Variants in CACNB2 observed in about 807,000 individuals in gnomAD.
CACNB2 encodes the protein calcium voltage-gated channel auxiliary subunit beta 2.
In CACNB2, 42 loss-of-function variants were observed where a neutral mutation model predicts 73.3. That is an observed-to-expected ratio of 0.57 (90% confidence interval 0.45 to 0.74). The LOEUF (loss-of-function observed/expected upper bound fraction) is 0.74. Ranked by LOEUF, CACNB2 falls within the 30% of genes least tolerant of loss-of-function variation. The pLI is 0.00. For missense variants in CACNB2, 940 were observed against 853.0 expected, an observed-to-expected ratio of 1.10 and a Z score of -1.27; for synonymous variants, 348 against 310.3, an observed-to-expected ratio of 1.12 and a Z score of -1.28.
chr10:18,484,693 C>G (rs1468045228), intron 3 of CACNB2, among the ~76,000 whole-genome samples: 4 of 152,148 alleles, frequency 2.6e-5, no homozygotes, highest in African/African-American at 9.7e-5. Flanking sequence ...AGGATTCAAG[C>G]CCTGTCTCTC....
chr10:18,410,655 G>T (rs1321364056), intron 3 of CACNB2, among the ~76,000 whole-genome samples: 1 of 152,120 alleles, frequency 6.6e-6, no homozygotes, highest in Non-Finnish European at 1.5e-5. Flanking sequence ...ATAGGTGGCA[G>T]GTGTGAAACT....
intron 3 of CACNB2, among the ~76,000 whole-genome samples, chr10:18,407,590 G>T (rs919371465): frequency 9.9e-5 from 15 of 152,158 alleles, no homozygotes; most frequent in African/African-American, 3.6e-4. Context: ...GATCAGTTCA[G>T]TTCTGGAAAC....
intron 13 of CACNB2, 151 bp from the exon 14 acceptor site, chr10:18,539,079 A>G: frequency 1.1e-6 from 1 of 945,660 alleles, no homozygotes; most frequent in Non-Finnish European, 1.7e-6. Context: ...TATAAATGCC[A>G]CTGGATGTTA....
intron 3 of CACNB2, among the ~76,000 whole-genome samples, chr10:18,496,209 A>T (rs1365349575): frequency 6.7e-6 from 1 of 148,158 alleles, no homozygotes; most frequent in African/African-American, 2.5e-5. Context: ...AAAAAAAATT[A>T]CAGTGAATGT....
At chr10:18,283,601 A>G (rs1737344521) in intron 2 of CACNB2, among the ~76,000 whole-genome samples, 1 of 145,878 alleles carries the variant, frequency 6.9e-6, no homozygotes, top group Non-Finnish European at 1.5e-5. Flanking sequence ...GTTCTCACTC[A>G]TAGGTGGAAA....
At chr10:18,183,313 C>T (rs1259871933) in intron 2 of CACNB2, among the ~76,000 whole-genome samples, 2 of 151,476 alleles carry the variant, frequency 1.3e-5, no homozygotes, top group African/African-American at 4.9e-5. Flanking sequence ...TCTGTCCTCT[C>T]CTTCTGCCTG....
chr10:18,312,461 C>T (rs1319411137), intron 2 of CACNB2, among the ~76,000 whole-genome samples: 1 of 152,180 alleles, frequency 6.6e-6, no homozygotes, highest in Non-Finnish European at 1.5e-5. Context: ...CCTAGCTCAG[C>T]CAGTTAAGAT....
intron 2 of CACNB2, among the ~76,000 whole-genome samples, chr10:18,277,382 T>C (rs2038343810): frequency 6.6e-6 from 1 of 152,250 alleles, no homozygotes; most frequent in African/African-American, 2.4e-5. Flanking sequence ...GGTCCAGCTT[T>C]TCTGAGTTGC....
chr10:18,350,493 T>C (rs967348864), intron 2 of CACNB2, among the ~76,000 whole-genome samples: 3 of 152,218 alleles, frequency 2.0e-5, no homozygotes, highest in African/African-American at 7.2e-5. Context: ...GTTTTGCCTC[T>C]GGTGACTGCA....
intron 2 of CACNB2, chr10:18,260,760 G>A (rs2037499224): frequency 2.5e-5 from 25 of 999,906 alleles, no homozygotes; most frequent in Non-Finnish European, 3.0e-5. Flanking sequence ...GCAGCCGCGG[G>A]AGCAGGAACA....
intron 2 of CACNB2, among the ~76,000 whole-genome samples, chr10:18,188,030 G>C (rs1351565789): frequency 6.6e-6 from 1 of 152,170 alleles, no homozygotes; most frequent in Non-Finnish European, 1.5e-5. Flanking sequence ...AGTAGGATCT[G>C]CTTGGTGACA....
rs534290494 is a variant in CACNB2, at chr10:18,188,496, G to T, written c.213+37521G>T. On this transcript the variant is annotated intron_variant, in intron 2 of 13. Coordinates refer to ENST00000324631, the MANE Select transcript of CACNB2 (RefSeq NM_201596.3). ...CCTGGCTATTTTTTTATAGAGACAG[G>T]GTCTTACTGTGTTGCCCAGGCTGCT... Among the ~76,000 whole-genome samples, 4 of 151,812 alleles carry T rather than the reference G, an allele frequency of 2.6e-5. No individual in the cohort carries two copies. In the South Asian group the frequency reaches 6.3e-4, roughly 24 times the overall value.
chr10:18,509,580 C>A (rs1369928588), intron 6 of CACNB2, among the ~76,000 whole-genome samples: 2 of 152,178 alleles, frequency 1.3e-5, no homozygotes, highest in Non-Finnish European at 2.9e-5. Context: ...AGGAGGATCA[C>A]TTGAGCCCAG....
intron 6 of CACNB2, among the ~76,000 whole-genome samples, chr10:18,511,655 T>G (rs572324871): frequency 6.6e-6 from 1 of 152,376 alleles, no homozygotes; most frequent in African/African-American, 2.4e-5. Flanking sequence ...TAAATTTTTT[T>G]TCTTCTCCTT....
intron 2 of CACNB2, among the ~76,000 whole-genome samples, chr10:18,184,473 A>T (rs1472172046): frequency 6.6e-6 from 1 of 152,144 alleles, no homozygotes; most frequent in African/African-American, 2.4e-5. Context: ...TACCTTTGTT[A>T]TAATTAATGA....
chr10:18,429,678 A>C (rs904222991), intron 3 of CACNB2, among the ~76,000 whole-genome samples: 4 of 141,112 alleles, frequency 2.8e-5, no homozygotes, highest in Non-Finnish European at 4.8e-5. Flanking sequence ...AAAAAAAAAA[A>C]AAACCAAATT....
intron 3 of CACNB2, among the ~76,000 whole-genome samples, chr10:18,420,893 C>T (rs2045283359): frequency 1.3e-5 from 2 of 152,058 alleles, no homozygotes; most frequent in African/African-American, 4.8e-5. Flanking sequence ...AAATTTAAAC[C>T]ATAGTCATGT....
intron 3 of CACNB2, among the ~76,000 whole-genome samples, chr10:18,488,184 T>C (rs1432360967): frequency 1.3e-5 from 2 of 151,372 alleles, no homozygotes; most frequent in Admixed American, 1.3e-4. Context: ...TAAATAAAAA[T>C]AATGATTTGT....
chr10:18,310,211 A>G (rs1175888649), intron 2 of CACNB2, among the ~76,000 whole-genome samples: 1 of 152,166 alleles, frequency 6.6e-6, no homozygotes, highest in East Asian at 1.9e-4. Flanking sequence ...TGGGTTTCGT[A>G]GTTCTTAACA....
Sources: gnomAD v4.1 joint callset for allele counts (sites outside exome capture counted in the v4.1 genomes callset) on GRCh38, gnomAD v4.1.1 for gene constraint, MANE v1.5 for transcripts, NCBI Gene and HGNC (gene_info 2026-07-23, HGNC 2026-07-21) for gene names.